Variants in DOCK3 observed in about 807,000 individuals in gnomAD.
The protein encoded by DOCK3 is dedicator of cytokinesis 3.
Under a neutral mutation model 265.6 loss-of-function variants are expected in DOCK3, and 60 were observed. That is an observed-to-expected ratio of 0.23 (90% CI 0.18 to 0.28). DOCK3 has a LOEUF of 0.28. DOCK3 is among the 10% of genes least tolerant of loss of function. The probability of loss-of-function intolerance (pLI) is 1.00; values close to 1 mark genes in which losing one functional copy is unlikely to be tolerated. For missense variants in DOCK3, 1,981 were observed against 2,594.3 expected (o/e 0.76, Z 5.14); for synonymous variants, 881 against 938.0 (o/e 0.94, Z 1.11).
intron 3 of DOCK3, among the ~76,000 whole-genome samples, chr3:50,845,856 A>G (rs1202026874): frequency 1.3e-5 from 2 of 152,230 alleles, no homozygotes; most frequent in African/African-American, 4.8e-5. Context: ...CTCTAAAAAT[A>G]CTATAATGGG....
chr3:50,853,518 G>A (rs577943617), intron 3 of DOCK3, among the ~76,000 whole-genome samples: 3 of 152,052 alleles, frequency 2.0e-5, no homozygotes, highest in Non-Finnish European at 2.9e-5. Context: ...TTCATGTTAC[G>A]TGTACTCATT....
intron 5 of DOCK3, among the ~76,000 whole-genome samples, chr3:51,050,559 A>C (rs979162598): frequency 1.3e-5 from 2 of 152,192 alleles, no homozygotes; most frequent in Admixed American, 1.3e-4. Context: ...GAGGGCAAGA[A>C]GTCCCATGAT....
chr3:51,309,955 C>T (rs2082967778), intron 27 of DOCK3, among the ~76,000 whole-genome samples: 1 of 152,224 alleles, frequency 6.6e-6, no homozygotes, highest in Non-Finnish European at 1.5e-5. Context: ...ATGCTTTGGG[C>T]TTTGTGGGTA....
At chr3:50,806,244 A>C (rs2043406367) in intron 2 of DOCK3, among the ~76,000 whole-genome samples, 1 of 151,792 alleles carries the variant, frequency 6.6e-6, no homozygotes, top group Non-Finnish European at 1.5e-5. Context: ...TGCAGGTGTA[A>C]GGCTGCTCAG....
chr3:50,820,198 A>G (rs971495555), intron 2 of DOCK3, among the ~76,000 whole-genome samples: 19 of 152,168 alleles, frequency 1.2e-4, no homozygotes, highest in African/African-American at 4.3e-4. Flanking sequence ...TATTTTCTTA[A>G]TAAACTTGCT....
intron 3 of DOCK3, among the ~76,000 whole-genome samples, chr3:50,850,677 G>T (rs1401542054): frequency 2.0e-5 from 3 of 152,024 alleles, no homozygotes; most frequent in African/African-American, 4.8e-5. Context: ...CTTTCCCTAT[G>T]ATATTGTTTT....
chr3:51,053,218 C>A (rs1206492002), intron 5 of DOCK3, among the ~76,000 whole-genome samples: 1 of 147,570 alleles, frequency 6.8e-6, no homozygotes, highest in Non-Finnish European at 1.5e-5. Flanking sequence ...ATTCTCACTC[C>A]CCATTTTTTA....
intron 3 of DOCK3, among the ~76,000 whole-genome samples, chr3:50,875,038 C>T (rs542552278): frequency 1.3e-5 from 2 of 152,148 alleles, no homozygotes; most frequent in African/African-American, 2.4e-5. Flanking sequence ...GGGAGGGGAA[C>T]GTCACACACC....
intron 1 of DOCK3, among the ~76,000 whole-genome samples, chr3:50,768,535 C>T (rs1188450896): frequency 1.3e-5 from 2 of 152,128 alleles, no homozygotes; most frequent in South Asian, 2.1e-4. Context: ...AATCAATAAA[C>T]GTAATCCAGC....
chr3:50,901,505 G>A, intron 4 of DOCK3: 2 of 388,052 alleles, frequency 5.2e-6, no homozygotes, highest in Non-Finnish European at 1.0e-5. Context: ...GGCGTTCCAG[G>A]CACCACCGGA....
intron 40 of DOCK3, among the ~76,000 whole-genome samples, chr3:51,351,064 A>G (rs1437411768): frequency 1.3e-5 from 2 of 152,214 alleles, no homozygotes; most frequent in African/African-American, 2.4e-5. Context: ...GCATAGATCT[A>G]CTGACACCAG....
chr3:50,803,399 A>G (rs1286581824), intron 2 of DOCK3, among the ~76,000 whole-genome samples: 1 of 152,204 alleles, frequency 6.6e-6, no homozygotes, highest in African/African-American at 2.4e-5. Flanking sequence ...GGGTAAGGCC[A>G]TAGATTAACA....
At chr3:51,054,690 G>A (rs898515399) in intron 5 of DOCK3, among the ~76,000 whole-genome samples, 5 of 151,958 alleles carry the variant, frequency 3.3e-5, no homozygotes, top group African/African-American at 1.2e-4. Context: ...TCTGCTTTCA[G>A]GCAGGATTCC....
At chr3:51,326,683 A>G (rs1576813414) in intron 32 of DOCK3, among the ~76,000 whole-genome samples, 1 of 151,290 alleles carries the variant, frequency 6.6e-6, no homozygotes, top group East Asian at 1.9e-4. Flanking sequence ...GTGCAATGGC[A>G]TGATCTTGGC....
intron 27 of DOCK3, among the ~76,000 whole-genome samples, chr3:51,288,885 G>GT: frequency 6.8e-6 from 1 of 147,072 alleles, no homozygotes; most frequent in African/African-American, 2.6e-5. Context: ...TGTTTGTGTG[G>GT]GTGTGTGTGT....
At chr3:51,091,524 A>C (rs1401293222) in intron 9 of DOCK3, among the ~76,000 whole-genome samples, 3 of 152,040 alleles carry the variant, frequency 2.0e-5, no homozygotes, top group Non-Finnish European at 4.4e-5. Flanking sequence ...TCTACCAAAA[A>C]TACAAAAAAT....
At chr3:51,127,542 T>C (rs1018075912) in intron 9 of DOCK3, among the ~76,000 whole-genome samples, 7 of 152,210 alleles carry the variant, frequency 4.6e-5, no homozygotes, top group Non-Finnish European at 8.8e-5. Flanking sequence ...TGATGTTAAG[T>C]CAATAAATCT....
chr3:50,830,457 C>T (rs1179282778), intron 2 of DOCK3, among the ~76,000 whole-genome samples: 4 of 152,148 alleles, frequency 2.6e-5, no homozygotes, highest in African/African-American at 4.8e-5. Flanking sequence ...TTCCATTCAT[C>T]GGTGAGGAAT....
At chr3:50,888,628 A>G (rs1300290355) in intron 3 of DOCK3, among the ~76,000 whole-genome samples, 1 of 152,210 alleles carries the variant, frequency 6.6e-6, no homozygotes, top group Admixed American at 6.5e-5. Flanking sequence ...AGGCTACAGT[A>G]ACCAAAACAG....
Sources: gnomAD v4.1 joint callset for allele counts (sites outside exome capture counted in the v4.1 genomes callset) on GRCh38, gnomAD v4.1.1 for gene constraint, MANE v1.5 for transcripts, NCBI Gene and HGNC (gene_info 2026-07-23, HGNC 2026-07-21) for gene names.